Variants in POLE observed in about 807,000 individuals in gnomAD.
POLE encodes the protein DNA polymerase epsilon, catalytic subunit, also known as DNA polymerase epsilon catalytic subunit A.
Under a neutral mutation model 279.2 loss-of-function variants are expected in POLE, and 188 were observed. The ratio of observed to expected loss-of-function variants is 0.67; its 90% CI spans 0.60 to 0.76. POLE has a LOEUF of 0.76. Ranked by LOEUF, POLE falls within the 30% of genes least tolerant of loss-of-function variation. POLE has a pLI of 0.00. For synonymous variants in POLE, 1,214 were observed against 1,172.5 expected, an observed-to-expected ratio of 1.04 and a Z score of -0.72; for missense variants, 2,703 against 3,016.7, an observed-to-expected ratio of 0.90 and a Z score of 2.44.
chr12:132,641,678 C>T lies in POLE; in HGVS notation c.5347G>A (p.Asp1783Asn), dbSNP rs149893630. Residue 1783 changes from aspartate to asparagine, a missense_variant, in exon 39 of 49, where the codon GAT becomes AAT. Coordinates refer to ENST00000320574, the MANE Select transcript of POLE (RefSeq NM_006231.4). ...GTGTTAGAGCACAGGGCTGTCTCAT[C>T]GTAGCTGGCCGGGGCACTGGCAGCC... ...GQAASAPASY[D>N]ETALCSNTFR... 1.2e-5 allele frequency: 19 copies of T among 1,613,930 alleles called. No homozygotes were observed. The highest frequency in any genetic ancestry group is 2.2e-5 in the South Asian group (2 of 91,088).
At position 132,639,958 on chromosome 12, in the gene POLE, A is replaced by G. The variant is rs569188179; in HGVS notation, c.5379-660T>C. On this transcript the variant is annotated intron_variant, in intron 39 of 48. Transcript: ENST00000320574. This position sits in a 1 kb window ranked among gnomAD's most constrained non-coding sequence, Gnocchi z 4.7. ...TGAGACTGTCTCAAAAAACAAAAAC[A>G]AAACAAAACAAAACAAAACAAAACA... Among the ~76,000 whole-genome samples the G allele has an allele frequency of 5.1e-5, 1 of 19,528 alleles. No homozygotes were observed. The highest frequency in any genetic ancestry group is 3.3e-4 in the African/African-American group (1 of 2,986). The allele number at this position is 19,528 out of a possible 152,430, so 12.8% of individuals were successfully genotyped here.
Position 132,643,394 on chromosome 12 carries a change from G to C in POLE, c.4444+13C>G, listed in dbSNP as rs773574477. Reference sequence around the variant, plus strand: ...GAGGCAGGCACATGATGGGCGGCTGGTGCAGGCCATACCTGGTTCCAGGTA... The same window carrying C: ...GAGGCAGGCACATGATGGGCGGCTGCTGCAGGCCATACCTGGTTCCAGGTA... On this transcript the variant is annotated intron_variant, in intron 34 of 48. Transcript: ENST00000320574. The C allele has an allele frequency of 1.9e-6, 3 of 1,614,108 alleles. No homozygotes were observed. In the African/African-American group the frequency reaches 4.0e-5, roughly 22 times the overall value.
chr12:132,625,865 GC>G, intron 46 of POLE, 95 bp from the exon 47 acceptor site: 1 of 1,501,362 alleles, frequency 6.7e-7, no homozygotes, highest in Non-Finnish European at 9.0e-7. Context: ...TGTGAGAAGC[GC>G]CTGGTGACGG....
Position 132,661,298 on chromosome 12 carries a change from T to C in POLE, c.2865-134A>G, listed in dbSNP as rs1593776828. 2.0e-6 allele frequency: 2 copies of C among 985,526 alleles called. No homozygotes were observed. The highest frequency in any genetic ancestry group is 2.4e-5 in the East Asian group (1 of 41,638). 61.0% of individuals were successfully genotyped at this position (985,526 alleles called of 1,614,324 possible). On this transcript the variant is annotated intron_variant, in intron 24 of 48. Coordinates refer to ENST00000320574, the MANE Select transcript of POLE (RefSeq NM_006231.4). The surrounding 1 kb of genome is among the most constrained non-coding windows in gnomAD (Gnocchi z 4.1). ...TCATCCACGAGGCAGCAAACGTCTC[T>C]CTCCCTTAGGCCACTGCTTCTCTAA... is the stretch of plus-strand genomic sequence containing the variant.
chr12:132,649,710 G>C lies in POLE; in HGVS notation c.3762C>G (p.Ile1254Met), dbSNP rs2042376225. Residue 1254 changes from isoleucine to methionine, a missense_variant, in exon 30 of 49, where the codon ATC becomes ATG. By Grantham distance (10) the Ile-to-Met change is conservative. Coordinates refer to ENST00000320574, the MANE Select transcript of POLE (RefSeq NM_006231.4). Reference sequence around the variant, plus strand: ...TTCCCAGGGCGGGAGGCTGCCCCAAGATTTCCTGCCAGGGCACAGTCGGCG... The same window carrying C: ...TTCCCAGGGCGGGAGGCTGCCCCAACATTTCCTGCCAGGGCACAGTCGGCG... ...DLTPTVPWQE[I>M]LGQPPALGTS... The C allele has an allele frequency of 1.9e-6, 3 of 1,614,156 alleles. No individual in the cohort carries two copies. In the South Asian group the frequency reaches 3.3e-5, roughly 18 times the overall value.
At position 132,634,386 on chromosome 12, in the gene POLE, A is replaced by G; in HGVS notation, c.5812-8T>C. 6.2e-7 allele frequency: 1 copy of G among 1,610,500 alleles called. No homozygotes were observed. The highest frequency in any genetic ancestry group is 8.5e-7 in the Non-Finnish European group (1 of 1,177,448). On this transcript the variant is annotated splice_polypyrimidine_tract_variant and splice_region_variant and intron_variant, in intron 42 of 48. Transcript: ENST00000320574. The surrounding 1 kb of genome is among the most constrained non-coding windows in gnomAD (Gnocchi z 4.0). ...TGCTTTCTGGGAGTCTTGCTGTAACACATGAGACAACGCGGCTGTGTTTGC... is the reference window on the plus strand; with the variant it reads ...TGCTTTCTGGGAGTCTTGCTGTAACGCATGAGACAACGCGGCTGTGTTTGC...
rs375350726 is a variant in POLE, at chr12:132,643,598, T to C, written c.4291-38A>G. ...GGCAGACAGGCCGGCAAGGGCTGGA[T>C]GGTGGGGGCTCTGGCTGCCCACGTG... On this transcript the variant is annotated intron_variant, in intron 33 of 48. Coordinates refer to ENST00000320574, the MANE Select transcript of POLE (RefSeq NM_006231.4). 13 of 1,612,280 alleles carry C rather than the reference T, an allele frequency of 8.1e-6. No individual in the cohort carries two copies. The Middle Eastern group carries it at 5.0e-4, about 61-fold the overall frequency.
chr12:132,625,499 T>G (rs1040576274), intron 47 of POLE, 146 bp downstream of exon 47: 16 of 1,008,156 alleles, frequency 1.6e-5, no homozygotes, highest in Non-Finnish European at 2.5e-5. Flanking sequence ...TCCATCAGGC[T>G]CAGGGCATGG....
chr12:132,645,952 A>C (rs1235017372), intron 32 of POLE, among the ~76,000 whole-genome samples: 3 of 152,228 alleles, frequency 2.0e-5, no homozygotes, highest in Non-Finnish European at 4.4e-5. Context: ...TTGAGCTCTA[A>C]GCTTGGTTTC....
intron 25 of POLE, 185 bp downstream of exon 25, chr12:132,660,784 C>A: frequency 2.2e-6 from 1 of 447,274 alleles, no homozygotes; most frequent in East Asian, 3.3e-5. Context: ...AGTTGTGTCC[C>A]TGGATGCAGA....
Position 132,643,472 on chromosome 12 carries a change from G to C in POLE, c.4379C>G (p.Ala1460Gly), listed in dbSNP as rs1193825500. ...QLVRHLSGWEAETFALEHLEM... is the reference protein window; with the variant it reads ...QLVRHLSGWEGETFALEHLEM... ...CAGGTGCTCAAGAGCAAAGGTCTCTGCTTCCCAGCCTGAAAGGTGCCTCAC... is the reference window on the plus strand; with the variant it reads ...CAGGTGCTCAAGAGCAAAGGTCTCTCCTTCCCAGCCTGAAAGGTGCCTCAC... The change falls in exon 34 of 49, where the codon GCA becomes GGA. Residue 1460 changes from alanine (A) to glycine (G), a missense_variant. By Grantham distance (60) the Ala-to-Gly change is moderately conservative. Around this residue, in one of 5 missense-constraint regions of POLE, gnomAD observed 1,551 missense variants for 1,686.1 expected, o/e 0.92. Transcript: ENST00000320574. 1 of 1,614,224 alleles carries C rather than the reference G, an allele frequency of 6.2e-7. No individual in the cohort carries two copies. The highest frequency in any genetic ancestry group is 8.5e-7 in the Non-Finnish European group (1 of 1,180,048).
intron 29 of POLE, chr12:132,651,240 T>C (rs1376422273): frequency 6.6e-6 from 1 of 152,220 alleles, no homozygotes; most frequent in African/African-American, 2.4e-5. Flanking sequence ...CATGCACATA[T>C]GGTTCGTTCA....
chr12:132,662,118 C>T (rs2042695502), intron 23 of POLE, among the ~76,000 whole-genome samples: 1 of 152,156 alleles, frequency 6.6e-6, no homozygotes, highest in African/African-American at 2.4e-5. Flanking sequence ...TCACTGTGTG[C>T]AAATTACAAG....
At chr12:132,662,968 T>C (rs2042712162) in intron 23 of POLE, among the ~76,000 whole-genome samples, 1 of 151,894 alleles carries the variant, frequency 6.6e-6, no homozygotes, top group African/African-American at 2.4e-5. Flanking sequence ...ATTGATACAG[T>C]AGAAGGAATG....
chr12:132,671,584 G>C (rs2042928977), intron 16 of POLE, among the ~76,000 whole-genome samples: 1 of 149,046 alleles, frequency 6.7e-6, no homozygotes, highest in Non-Finnish European at 1.5e-5. Flanking sequence ...CAGGAGAATT[G>C]CTTGAACCCG....
chr12:132,664,386 G>A lies in POLE; in HGVS notation c.2545C>T (p.Leu849=), dbSNP rs1280076629. 2 of 1,613,630 alleles carry A rather than the reference G, an allele frequency of 1.2e-6. No homozygotes were observed. The highest frequency in any genetic ancestry group is 1.7e-6 in the Non-Finnish European group (2 of 1,179,852). ...TGCACTCACCCAATCTGCTCGATCA[G>A]CTCCCGTGCCTGGGTGATGATGTTG... ...GANIITQARE[L]IEQIGRPLEL... is the part of the protein sequence containing the mutation. Residue 849 remains leucine (L), a synonymous_variant, in exon 22 of 49, where the codon CTG becomes TTG. Transcript: ENST00000320574. This position sits in a 1 kb window ranked among gnomAD's most constrained non-coding sequence, Gnocchi z 5.3.
chr12:132,632,350 T>C lies in POLE; in HGVS notation c.6295A>G (p.Asn2099Asp). ...TATTTGATGAACTCCAGGGCAGGGT[T>C]ATTGAGCAGCAAGTGGGAACCGGGG... ...VLPGSHLLLNNPALEFIKYVC... is the reference protein window; with the variant it reads ...VLPGSHLLLNDPALEFIKYVC... Residue 2099 changes from asparagine to aspartate, a missense_variant, in exon 45 of 49, where the codon AAC becomes GAC. This residue lies in a region of POLE where 1,551 missense variants were observed against 1,686.1 expected (regional missense o/e 0.92). Coordinates refer to ENST00000320574, the MANE Select transcript of POLE (RefSeq NM_006231.4). 6.2e-7 allele frequency: 1 copy of C among 1,614,152 alleles called. No individual in the cohort carries two copies. The highest frequency in any genetic ancestry group is 8.5e-7 in the Non-Finnish European group (1 of 1,180,002).
rs2043041847 is a variant in POLE at position 132,675,976 on chromosome 12, G to GAGAACAAAGCTATAT, written c.1020+117_1020+118insATATAGCTTTGTTCT. On this transcript the variant is annotated intron_variant, in intron 10 of 48. Coordinates refer to ENST00000320574, the MANE Select transcript of POLE (RefSeq NM_006231.4). The surrounding 1 kb of genome is among the most constrained non-coding windows in gnomAD (Gnocchi z 4.3). ...CTGGCAGAAAAGACGGTCATACCCTGAGAACAAAGCTCATGGAGCTGCAAT... is the reference window on the plus strand; with the variant it reads ...CTGGCAGAAAAGACGGTCATACCCTGAGAACAAAGCTATATAGAACAAAGCTCATGGAGCTGCAAT... 1 of 926,736 alleles carries GAGAACAAAGCTATAT rather than the reference G, an allele frequency of 1.1e-6. No homozygotes were observed. The highest frequency in any genetic ancestry group is 1.7e-6 in the Non-Finnish European group (1 of 591,782). The allele number at this position is 926,736 out of a possible 1,614,324, so 57.4% of individuals were successfully genotyped here. A position where few individuals can be genotyped will look rare whatever the true frequency, so the allele number is the denominator to read the frequency against.
intron 48 of POLE, 34 bp from the exon 49 acceptor site, chr12:132,624,844 T>C: frequency 6.3e-7 from 1 of 1,586,238 alleles, no homozygotes; most frequent in Non-Finnish European, 8.7e-7. Flanking sequence ...GAGACCCCAG[T>C]CCACTCAGAG....
Sources: gnomAD v4.1 joint callset for allele counts (sites outside exome capture counted in the v4.1 genomes callset) on GRCh38, gnomAD v4.1.1 for gene constraint, gnomAD v4.1.1 regional missense constraint, Gnocchi (gnomAD v3.1) non-coding constraint, MANE v1.5 for transcripts, NCBI Gene and HGNC (gene_info 2026-07-23, HGNC 2026-07-21) for gene names.